Variants in RGL1 observed in about 807,000 individuals in gnomAD.
The protein encoded by RGL1 is ral guanine nucleotide dissociation stimulator like 1.
A neutral mutation model predicts 95.2 loss-of-function variants in RGL1; 24 were observed. That is an observed-to-expected ratio of 0.25 (90% confidence interval 0.18 to 0.35). The LOEUF (loss-of-function observed/expected upper bound fraction) is 0.35. RGL1 is among the 10% of genes least tolerant of loss of function. The probability of loss-of-function intolerance (pLI) is 1.00; values close to 1 mark genes in which losing one functional copy is unlikely to be tolerated. For missense variants in RGL1, 715 were observed against 936.3 expected, an observed-to-expected ratio of 0.76 and a Z score of 3.08; for synonymous variants, 329 against 344.9, an observed-to-expected ratio of 0.95 and a Z score of 0.51.
chr1:183,752,908 T>A (rs1371222333), intron 2 of RGL1, among the ~76,000 whole-genome samples: 2 of 152,156 alleles, frequency 1.3e-5, no homozygotes, highest in African/African-American at 4.8e-5. Flanking sequence ...CTATAACTGT[T>A]TAGATCATCT....
At chr1:183,672,460 A>G (rs1034888274) in intron 1 of RGL1, among the ~76,000 whole-genome samples, 9 of 152,016 alleles carry the variant, frequency 5.9e-5, no homozygotes, top group African/African-American at 2.2e-4. Flanking sequence ...GAACATTTTC[A>G]TTTATTCTAT....
intron 9 of RGL1, 82 bp from the exon 10 acceptor site, chr1:183,897,726 T>A: frequency 1.0e-6 from 1 of 978,394 alleles, no homozygotes; most frequent in Non-Finnish European, 1.6e-6. Context: ...CAGGGTTGTG[T>A]GCGAGAAACT....
At chr1:183,838,694 G>A (rs1442497364) in intron 2 of RGL1, among the ~76,000 whole-genome samples, 3 of 152,178 alleles carry the variant, frequency 2.0e-5, no homozygotes, top group Non-Finnish European at 4.4e-5. Flanking sequence ...TAACTGGAAC[G>A]TACACAGAAA....
At chr1:183,760,457 C>G (rs1274553651) in intron 2 of RGL1, among the ~76,000 whole-genome samples, 1 of 150,522 alleles carries the variant, frequency 6.6e-6, no homozygotes, top group Non-Finnish European at 1.5e-5. Context: ...TCAGGCTGAG[C>G]ATGGTGGCTC....
intron 1 of RGL1, among the ~76,000 whole-genome samples, chr1:183,675,241 T>A (rs1652741135): frequency 6.6e-6 from 1 of 152,078 alleles, no homozygotes. Context: ...TAGACTTTAT[T>A]TTGAAGGCAA....
chr1:183,646,458 C>T (rs933535049), intron 1 of RGL1: 9 of 151,760 alleles, frequency 5.9e-5, no homozygotes, highest in East Asian at 1.9e-4. Context: ...TAGCAAGTTA[C>T]GAGAAAATGT....
intron 15 of RGL1, among the ~76,000 whole-genome samples, chr1:183,912,522 A>C (rs1207588175): frequency 6.6e-6 from 1 of 152,136 alleles, no homozygotes; most frequent in Non-Finnish European, 1.5e-5. Flanking sequence ...AAGGCACTGG[A>C]GTTATTTAGG....
chr1:183,892,524 A>G (rs188851536), intron 9 of RGL1, among the ~76,000 whole-genome samples: 2 of 152,310 alleles, frequency 1.3e-5, no homozygotes, highest in South Asian at 2.1e-4. Flanking sequence ...AGAATGACAG[A>G]GGCCAAGCCT....
At chr1:183,897,460 A>C (rs1310439969) in intron 9 of RGL1, among the ~76,000 whole-genome samples, 1 of 152,148 alleles carries the variant, frequency 6.6e-6, no homozygotes, top group Non-Finnish European at 1.5e-5. Context: ...GAGGCAGGAG[A>C]ATCACTTGAA....
chr1:183,831,152 G>A (rs188411959), intron 2 of RGL1, among the ~76,000 whole-genome samples: 180 of 152,292 alleles, frequency 1.2e-3, no homozygotes, highest in African/African-American at 4.1e-3. Context: ...AGGGGAAGAT[G>A]GGAAGTGTGA....
chr1:183,912,326 C>T (rs1443001353), intron 15 of RGL1, 58 bp downstream of exon 15: 6 of 1,391,696 alleles, frequency 4.3e-6, no homozygotes, highest in Non-Finnish European at 6.0e-6. Flanking sequence ...CTCTTTGCCA[C>T]ACCACAGCAA....
chr1:183,693,078 C>T (rs958333884), intron 1 of RGL1, among the ~76,000 whole-genome samples: 6 of 151,978 alleles, frequency 3.9e-5, no homozygotes, highest in Non-Finnish European at 5.9e-5. Flanking sequence ...CCCCAGCCTA[C>T]TGAGTAGCTG....
Position 183,881,192 on chromosome 1 carries a change from T to G in RGL1, c.610+392T>G, listed in dbSNP as rs887222565. Among the ~76,000 whole-genome samples the G allele has an allele frequency of 3.3e-5, 5 of 152,178 alleles. No individual in the cohort carries two copies. The South Asian group carries it at 1.0e-3, about 32-fold the overall frequency. On this transcript the variant is annotated intron_variant, in intron 5 of 17. Transcript: ENST00000360851. Reference sequence around the variant, plus strand: ...ACCTGAATTTGCATTTTATTACCTGTTTAATGGCTCCTTCTAGCCTTCCAT... The same window carrying G: ...ACCTGAATTTGCATTTTATTACCTGGTTAATGGCTCCTTCTAGCCTTCCAT...
intron 15 of RGL1, among the ~76,000 whole-genome samples, chr1:183,913,118 T>C (rs1668744458): frequency 6.6e-6 from 1 of 151,030 alleles, no homozygotes; most frequent in Non-Finnish European, 1.5e-5. Flanking sequence ...TTTCTGTGAC[T>C]GCATAAATAA....
rs1451504015 is a variant in RGL1 at position 183,928,368 on chromosome 1, A to C, written c.*2076A>C. On this transcript the variant is annotated 3_prime_UTR_variant, in exon 18 of 18. Transcript: ENST00000360851. ...GCTAAAACTTAGCTTCATTTATTTAATGCCACTTTAAATGTCTTAAATTTG... is the reference window on the plus strand; with the variant it reads ...GCTAAAACTTAGCTTCATTTATTTACTGCCACTTTAAATGTCTTAAATTTG... The C allele has an allele frequency of 3.3e-5, 5 of 152,746 alleles. No homozygotes were observed. The South Asian group carries it at 1.0e-3, about 32-fold the overall frequency. 9.5% of individuals were successfully genotyped at this position (152,746 alleles called of 1,614,324 possible).
At chr1:183,652,943 T>C (rs1650873042) in intron 1 of RGL1, 1 of 152,198 alleles carries the variant, frequency 6.6e-6, no homozygotes, top group Non-Finnish European at 1.5e-5. Context: ...CTCATTTCAC[T>C]CAACTAGGAT....
chr1:183,847,478 C>T (rs1230259909), intron 2 of RGL1, 88 bp from the exon 3 acceptor site: 3 of 1,038,888 alleles, frequency 2.9e-6, no homozygotes, highest in African/African-American at 3.2e-5. Context: ...GGAAACATAA[C>T]AGGCTATGGC....
intron 2 of RGL1, among the ~76,000 whole-genome samples, chr1:183,768,458 T>A (rs1385667128): frequency 7.7e-6 from 1 of 129,324 alleles, no homozygotes; most frequent in Non-Finnish European, 1.6e-5. Context: ...AACCTTTAGA[T>A]AACTTTTTTT....
At chr1:183,880,543 C>T in intron 4 of RGL1, 73 bp from the exon 5 acceptor site, 1 of 1,461,186 alleles carries the variant, frequency 6.8e-7, no homozygotes, top group Non-Finnish European at 9.5e-7. Context: ...CTGGGGTCCA[C>T]CCTGGTGTCC....
Sources: allele counts gnomAD v4.1 joint callset (sites outside exome capture counted in the v4.1 genomes callset), GRCh38; gene constraint gnomAD v4.1.1; transcripts MANE v1.5; gene names NCBI Gene and HGNC (gene_info 2026-07-23, HGNC 2026-07-21).